Variants in HTRA3 observed in about 807,000 individuals in gnomAD.
HTRA3 encodes serine protease HTRA3.
Under a neutral mutation model 43.2 loss-of-function variants are expected in HTRA3, and 41 were observed. The ratio of observed to expected loss-of-function variants is 0.95; its 90% CI spans 0.74 to 1.23. The LOEUF is 1.23. Among genes scored for constraint, HTRA3 ranks in the 50% most tolerant of loss-of-function variants. HTRA3 has a pLI of 0.00. For missense variants in HTRA3, 628 were observed against 647.1 expected (o/e 0.97, Z 0.32); for synonymous variants, 295 against 287.9 (o/e 1.02, Z -0.25).
chr4:8,273,291 C>T (rs1488071509), intron 1 of HTRA3, among the ~76,000 whole-genome samples: 2 of 152,188 alleles, frequency 1.3e-5, no homozygotes, highest in South Asian at 2.1e-4. Context: ...ATTCCAGCAG[C>T]GTAGCCGGCT....
At chr4:8,280,592 C>T (rs1460567181) in intron 1 of HTRA3, among the ~76,000 whole-genome samples, 5 of 152,160 alleles carry the variant, frequency 3.3e-5, no homozygotes, top group Admixed American at 2.0e-4. Flanking sequence ...AGCAGGGCAG[C>T]GCATCCCTCA....
At chr4:8,302,534 C>T (rs1159538613) in intron 7 of HTRA3, 23 bp downstream of exon 7, 1 of 1,609,906 alleles carries the variant, frequency 6.2e-7, no homozygotes, top group Non-Finnish European at 8.5e-7. Context: ...AGAGTGCCAT[C>T]CCCTGCTACC....
chr4:8,298,072 C>T (rs1713517087), intron 6 of HTRA3, among the ~76,000 whole-genome samples: 1 of 152,248 alleles, frequency 6.6e-6, no homozygotes, highest in South Asian at 2.1e-4. Flanking sequence ...CCTCCGGGTC[C>T]AGCACCGGGG....
At chr4:8,281,660 C>A (rs10938703) in intron 1 of HTRA3, among the ~76,000 whole-genome samples, 65,524 of 152,102 alleles carry the variant, frequency 0.43, 15,932 homozygotes, top group African/African-American at 0.66. Context: ...GGAGAGAGCC[C>A]GGCACAGGCC....
intron 2 of HTRA3, among the ~76,000 whole-genome samples, chr4:8,283,461 C>T (rs987553041): frequency 9.2e-5 from 14 of 152,232 alleles, no homozygotes; most frequent in Non-Finnish European, 1.3e-4. Context: ...CAGAACCTCC[C>T]GCTGTGCAAG....
chr4:8,277,380 C>T (rs1427781079), intron 1 of HTRA3, among the ~76,000 whole-genome samples: 7 of 152,212 alleles, frequency 4.6e-5, no homozygotes, highest in African/African-American at 1.7e-4. Flanking sequence ...TTCGCTCCCT[C>T]ATTTGCTTCC....
chr4:8,280,948 C>T (rs936639375), intron 1 of HTRA3, among the ~76,000 whole-genome samples: 3 of 152,160 alleles, frequency 2.0e-5, no homozygotes, highest in African/African-American at 7.2e-5. Context: ...AGCTGCAGGG[C>T]AGAGGTGGGG....
chr4:8,273,008 T>G (rs1300251362), intron 1 of HTRA3, among the ~76,000 whole-genome samples: 5 of 152,166 alleles, frequency 3.3e-5, no homozygotes, highest in Non-Finnish European at 7.4e-5. Context: ...GTGCCCGGCC[T>G]CTCCCCAGCC....
Position 8,306,161 on chromosome 4 carries a change from C to T in HTRA3, c.*25C>T, listed in dbSNP as rs532521302. ...AGGGGCGCATTCCTCCAGCGCCAAG[C>T]GTCAGAGCCTGCAGACAACGGAGGG... On this transcript the variant is annotated 3_prime_UTR_variant, in exon 9 of 9. Transcript: ENST00000307358. This position sits in a 1 kb window ranked among gnomAD's most constrained non-coding sequence, Gnocchi z 8.9. The T allele has an allele frequency of 3.9e-5, 60 of 1,544,810 alleles. No homozygotes were observed. Among genetic ancestry groups the T allele is most frequent in the East Asian group, 6.9e-5 (3 of 43,686 alleles).
At chr4:8,302,012 G>A (rs899016912) in intron 6 of HTRA3, among the ~76,000 whole-genome samples, 5 of 152,226 alleles carry the variant, frequency 3.3e-5, no homozygotes, top group African/African-American at 1.2e-4. Flanking sequence ...CACAGGGCCT[G>A]GCACATGGTT....
At chr4:8,282,027 T>C (rs1712767342) in intron 1 of HTRA3, among the ~76,000 whole-genome samples, 1 of 152,042 alleles carries the variant, frequency 6.6e-6, no homozygotes, top group Non-Finnish European at 1.5e-5. Context: ...GAGGGCCAGT[T>C]CTCTCCTGTA....
chr4:8,281,746 CCT>C (rs1712753494), intron 1 of HTRA3, among the ~76,000 whole-genome samples: 1 of 152,216 alleles, frequency 6.6e-6, no homozygotes, highest in East Asian at 1.9e-4. Context: ...AGCCACAGCC[CCT>C]ACTGCTGACG....
intron 6 of HTRA3, among the ~76,000 whole-genome samples, chr4:8,301,037 TCA>T (rs67455619): frequency 0.27 from 40,902 of 151,344 alleles, 6,373 homozygotes; most frequent in East Asian, 0.61. Flanking sequence ...TATTATTGAT[TCA>T]CACTCTCAGC....
intron 4 of HTRA3, among the ~76,000 whole-genome samples, chr4:8,292,084 G>A (rs1713268606): frequency 6.6e-6 from 1 of 151,308 alleles, no homozygotes; most frequent in Non-Finnish European, 1.5e-5. Context: ...CCGGGGTGTA[G>A]ATGCCGAAGC....
At chr4:8,288,915 T>G (rs572526074) in intron 3 of HTRA3, among the ~76,000 whole-genome samples, 27 of 145,616 alleles carry the variant, frequency 1.9e-4, no homozygotes, top group Non-Finnish European at 3.0e-4. Flanking sequence ...CCTTCCTTCC[T>G]TCCTTCCTTC....
chr4:8,275,340 G>A (rs1262484924), intron 1 of HTRA3, among the ~76,000 whole-genome samples: 1 of 152,152 alleles, frequency 6.6e-6, no homozygotes, highest in Non-Finnish European at 1.5e-5. Context: ...CCTCCCTGCC[G>A]AAAGCTGGGC....
intron 1 of HTRA3, among the ~76,000 whole-genome samples, chr4:8,280,810 G>A (rs1712714695): frequency 6.6e-6 from 1 of 152,226 alleles, no homozygotes; most frequent in South Asian, 2.1e-4. Flanking sequence ...GTGGACGAGG[G>A]CTGGTGTGGT....
chr4:8,303,722 G>T (rs1053091550), intron 7 of HTRA3, among the ~76,000 whole-genome samples: 1 of 151,812 alleles, frequency 6.6e-6, no homozygotes, highest in Admixed American at 6.5e-5. Flanking sequence ...TCTTCTGTCT[G>T]TCTGTTCCAT....
At chr4:8,303,519 C>T (rs1713733242) in intron 7 of HTRA3, among the ~76,000 whole-genome samples, 1 of 152,178 alleles carries the variant, frequency 6.6e-6, no homozygotes, top group African/African-American at 2.4e-5. Context: ...CATCGGGAGC[C>T]TAGGAAGAAC....
Sources: gnomAD v4.1 joint callset for allele counts (sites outside exome capture counted in the v4.1 genomes callset) on GRCh38, gnomAD v4.1.1 for gene constraint, Gnocchi (gnomAD v3.1) non-coding constraint, MANE v1.5 for transcripts, NCBI Gene and HGNC (gene_info 2026-07-23, HGNC 2026-07-21) for gene names.